The following KLHL4 variants were observed in gnomAD, a reference collection of about 807,000 sequenced individuals.
The protein encoded by KLHL4 is kelch-like protein 4.
In KLHL4, 17 loss-of-function variants were observed where a neutral mutation model predicts 45.8. The ratio of observed to expected loss-of-function variants is 0.37; its 90% confidence interval spans 0.25 to 0.56. KLHL4 has a LOEUF of 0.56. Among genes scored for constraint, KLHL4 ranks in the 20% least tolerant of loss-of-function variants. The probability of loss-of-function intolerance (pLI) is 0.79; values close to 1 mark genes in which losing one functional copy is unlikely to be tolerated. For missense variants in KLHL4, 544 were observed against 544.9 expected (o/e 1.00, Z 0.02); for synonymous variants, 224 against 189.9 (o/e 1.18, Z -1.47).
chrX:87,663,948 A>G (rs1189390523), intron 9 of KLHL4, among the ~76,000 whole-genome samples: 2 of 111,906 alleles, frequency 1.8e-5, no homozygotes, highest in African/African-American at 6.5e-5. Context: ...TGTAAAATAA[A>G]TATATTTCAT....
At chrX:87,600,111 G>T (rs1038474762) in intron 1 of KLHL4, among the ~76,000 whole-genome samples, 2 of 111,402 alleles carry the variant, frequency 1.8e-5, no homozygotes, top group South Asian at 7.4e-4. Flanking sequence ...GATCGTGGGG[G>T]CAGATCTTCA....
At chrX:87,534,402 C>T (rs896643465) in intron 1 of KLHL4, among the ~76,000 whole-genome samples, 2 of 111,093 alleles carry the variant, frequency 1.8e-5, no homozygotes, top group Non-Finnish European at 3.8e-5. Flanking sequence ...TTTATTAACT[C>T]CTGACAGCCC....
chrX:87,573,969 G>A (rs757612107), intron 1 of KLHL4, among the ~76,000 whole-genome samples: 2 of 111,518 alleles, frequency 1.8e-5, no homozygotes, highest in East Asian at 5.7e-4. Flanking sequence ...GATGCTAAAT[G>A]TAACAATATC....
intron 1 of KLHL4, among the ~76,000 whole-genome samples, chrX:87,612,974 A>G (rs1268078919): frequency 9.0e-6 from 1 of 111,634 alleles, no homozygotes; most frequent in Admixed American, 9.6e-5. Context: ...TATTCATACC[A>G]TGATCCCTTC....
chrX:87,588,045 C>T (rs1921538817), intron 1 of KLHL4, among the ~76,000 whole-genome samples: 1 of 111,202 alleles, frequency 9.0e-6, no homozygotes, highest in South Asian at 3.7e-4. Flanking sequence ...AAAGTTATCC[C>T]ATTTACAATA....
Position 87,625,601 on chromosome X carries a change from A to G in KLHL4, c.1138-9A>G. On this transcript the variant is annotated splice_polypyrimidine_tract_variant and intron_variant, in intron 5 of 10. Transcript: ENST00000373119. ...CTCCATTCATATACCATGCATCACTACTTTTCAGTTACTGGCAGATCTTGA... is the reference window on the plus strand; with the variant it reads ...CTCCATTCATATACCATGCATCACTGCTTTTCAGTTACTGGCAGATCTTGA... 1 of 1,188,124 alleles carries G rather than the reference A, an allele frequency of 8.4e-7. No homozygotes were observed. The highest frequency in any genetic ancestry group is 1.1e-6 in the Non-Finnish European group (1 of 878,970).
rs2294957 is a variant in KLHL4, at chrX:87,635,816, T to G, written c.1925+41T>G. 2.6e-3 allele frequency: 2,620 copies of G among 993,102 alleles called. 54 individuals carry two copies. In the East Asian group the frequency reaches 0.072, roughly 27 times the overall value. 81.8% of individuals were successfully genotyped at this position (993,102 alleles called of 1,213,427 possible). A position where few individuals can be genotyped will look rare whatever the true frequency, so the allele number is the denominator to read the frequency against. ...TTCCTTCTGTATGTAATTATTTGGT[T>G]ATTTAATTTTTTAGAAATAGAAAGA... is the stretch of plus-strand genomic sequence containing the variant. On this transcript the variant is annotated intron_variant, in intron 9 of 10. Transcript: ENST00000373119.
At chrX:87,627,126 G>A (rs975604196) in intron 6 of KLHL4, among the ~76,000 whole-genome samples, 1 of 111,661 alleles carries the variant, frequency 9.0e-6, no homozygotes, top group African/African-American at 3.3e-5. Context: ...GAGGTGTCTG[G>A]TCTGTATCAG....
intron 1 of KLHL4, among the ~76,000 whole-genome samples, chrX:87,555,167 G>A (rs1931941708): frequency 9.6e-6 from 1 of 104,356 alleles, no homozygotes; most frequent in Non-Finnish European, 2.0e-5. Flanking sequence ...AAGGATATTG[G>A]TCTAAAATTC....
At chrX:87,621,236 T>C (rs946298768) in intron 4 of KLHL4, among the ~76,000 whole-genome samples, 1 of 111,744 alleles carries the variant, frequency 8.9e-6, no homozygotes, top group Non-Finnish European at 1.9e-5. Flanking sequence ...TTATGCAACA[T>C]AAATTGCCAA....
intron 1 of KLHL4, among the ~76,000 whole-genome samples, chrX:87,553,602 C>T (rs758901851): frequency 1.0e-4 from 11 of 107,704 alleles, no homozygotes; most frequent in African/African-American, 1.7e-4. Flanking sequence ...GTCTCTACAG[C>T]GGTTAAAAAG....
At chrX:87,602,681 G>T (rs59186629) in intron 1 of KLHL4, among the ~76,000 whole-genome samples, 1 of 110,375 alleles carries the variant, frequency 9.1e-6, no homozygotes, top group African/African-American at 3.3e-5. Flanking sequence ...CTATTGATGC[G>T]TTTTTCAGAA....
At chrX:87,549,381 A>G (rs1246915599) in intron 1 of KLHL4, among the ~76,000 whole-genome samples, 1 of 111,480 alleles carries the variant, frequency 9.0e-6, no homozygotes, top group Non-Finnish European at 1.9e-5. Flanking sequence ...CAGAATGTCA[A>G]CAAAGAAACA....
At chrX:87,604,805 C>T (rs1413547706) in intron 1 of KLHL4, among the ~76,000 whole-genome samples, 8 of 111,084 alleles carry the variant, frequency 7.2e-5, no homozygotes, top group Non-Finnish European at 7.6e-5. Flanking sequence ...GTTTTTGTTG[C>T]CTGTGCTTTT....
intron 1 of KLHL4, among the ~76,000 whole-genome samples, chrX:87,520,604 T>A (rs1345434462): frequency 8.9e-6 from 1 of 112,415 alleles, no homozygotes; most frequent in Non-Finnish European, 1.9e-5. Context: ...AATGTATTCA[T>A]ATGAAATTGA....
chrX:87,537,991 C>T (rs1165354241), intron 1 of KLHL4, among the ~76,000 whole-genome samples: 3 of 111,482 alleles, frequency 2.7e-5, no homozygotes, highest in East Asian at 2.8e-4. Flanking sequence ...CAAATACTAA[C>T]GCATGAATAA....
chrX:87,526,473 A>G (rs774912525), intron 1 of KLHL4, among the ~76,000 whole-genome samples: 3 of 112,163 alleles, frequency 2.7e-5, no homozygotes, highest in African/African-American at 9.7e-5. Flanking sequence ...GTAAAAAAGA[A>G]GTGCAATGTA....
intron 1 of KLHL4, among the ~76,000 whole-genome samples, chrX:87,537,149 A>T (rs1177277373): frequency 9.0e-6 from 1 of 111,296 alleles, no homozygotes; most frequent in East Asian, 2.8e-4. Context: ...TTGCATCTAC[A>T]ATACTGGAAA....
intron 1 of KLHL4, among the ~76,000 whole-genome samples, chrX:87,547,530 C>CA (rs1236048156): frequency 1.8e-5 from 2 of 111,356 alleles, no homozygotes; most frequent in Non-Finnish European, 1.9e-5. Context: ...AACAAACAAA[C>CA]AAAAACAATT....
Sources: allele counts gnomAD v4.1 joint callset (sites outside exome capture counted in the v4.1 genomes callset), GRCh38; gene constraint gnomAD v4.1.1; transcripts MANE v1.5; gene names NCBI Gene and HGNC (gene_info 2026-07-23, HGNC 2026-07-21).